The following PTTG1IP variants were observed in gnomAD, a reference collection of about 807,000 sequenced individuals.
PTTG1IP encodes the protein PTTG1 interacting protein.
In PTTG1IP, 16 loss-of-function variants were observed where a neutral mutation model predicts 24.4. The observed-to-expected ratio is 0.66, with a 90% confidence interval of 0.44 to 1.00. PTTG1IP has a LOEUF of 1.00. Ranked by LOEUF, PTTG1IP falls within the 50% of genes least tolerant of loss-of-function variation. The pLI, the probability that PTTG1IP is intolerant of heterozygous loss-of-function variation, is 0.00. For missense variants in PTTG1IP, 241 were observed against 245.8 expected (o/e 0.98, Z 0.13); for synonymous variants, 89 against 96.8 (o/e 0.92, Z 0.47).
chr21:44,862,630 T>C (rs1190236555), intron 2 of PTTG1IP, among the ~76,000 whole-genome samples: 1 of 152,236 alleles, frequency 6.6e-6, no homozygotes. Context: ...ACAGTGTTAC[T>C]GACTTTTTAA....
intron 5 of PTTG1IP, among the ~76,000 whole-genome samples, chr21:44,851,881 G>T (rs183906256): frequency 6.6e-6 from 1 of 152,128 alleles, no homozygotes; most frequent in Non-Finnish European, 1.5e-5. Flanking sequence ...CCTGATGCTC[G>T]GCGAAGAAAA....
rs977324330 is a variant in PTTG1IP at position 44,851,317 on chromosome 21, A to G, written c.*264T>C. 1.6e-5 allele frequency: 24 copies of G among 1,477,658 alleles called. No homozygotes were observed. The highest frequency in any genetic ancestry group is 6.7e-5 in the Admixed American group (3 of 44,824). The allele number at this position is 1,477,658 out of a possible 1,614,324, so 91.5% of individuals were successfully genotyped here. A position where few individuals can be genotyped will look rare whatever the true frequency, so the allele number is the denominator to read the frequency against. Reference sequence around the variant, plus strand: ...AGTTAGCGTTTCACAAACTGAGAAGAGTATAAAAAAGCCCAAACCCCAAAG... The same window carrying G: ...AGTTAGCGTTTCACAAACTGAGAAGGGTATAAAAAAGCCCAAACCCCAAAG... On this transcript the variant is annotated 3_prime_UTR_variant, in exon 6 of 6. Coordinates refer to ENST00000330938, the MANE Select transcript of PTTG1IP (RefSeq NM_004339.4).
chr21:44,870,639 G>A (rs2083577837), intron 1 of PTTG1IP, among the ~76,000 whole-genome samples: 1 of 150,646 alleles, frequency 6.6e-6, no homozygotes, highest in Non-Finnish European at 1.5e-5. Context: ...ACAAGATACA[G>A]AAAAAACATG....
At chr21:44,853,440 A>AGGCG (rs2083425393) in intron 5 of PTTG1IP, among the ~76,000 whole-genome samples, 1 of 151,222 alleles carries the variant, frequency 6.6e-6, no homozygotes, top group Non-Finnish European at 1.5e-5. Flanking sequence ...CCTGGGAGGC[A>AGGCG]GAGCTTGCAG....
rs1054220 is a variant in PTTG1IP at position 44,849,795 on chromosome 21, A to C, written c.*1786T>G. ...ACGCTGTATTTCACAACCGAGCCCT[A>C]GCGCCAGCTCAGCACCCTACGCTCA... On this transcript the variant is annotated 3_prime_UTR_variant, in exon 6 of 6. Transcript: ENST00000330938. 11,383 of 152,420 alleles carry C rather than the reference A, an allele frequency of 0.075. 440 individuals carry two copies. Among genetic ancestry groups the C allele is most frequent in the Non-Finnish European group, 0.087 (5,913 of 68,020 alleles). The allele number at this position is 152,420 out of a possible 1,614,324, so 9.4% of individuals were successfully genotyped here. A position where few individuals can be genotyped will look rare whatever the true frequency, so the allele number is the denominator to read the frequency against.
intron 1 of PTTG1IP, 72 bp downstream of exon 1, chr21:44,873,424 AACCCCG>A (rs537567714): frequency 1.5e-4 from 180 of 1,204,692 alleles, no homozygotes; most frequent in East Asian, 7.2e-5. Flanking sequence ...CCCTGGCCGA[AACCCCG>A]ACCCCGACCC....
chr21:44,866,635 A>AACACACAC (rs149247797), intron 1 of PTTG1IP, among the ~76,000 whole-genome samples: 2 of 109,922 alleles, frequency 1.8e-5, no homozygotes, highest in African/African-American at 7.0e-5. Context: ...CCAATCCCGT[A>AACACACAC]ACACACACAC....
chr21:44,865,211 GAGA>G (rs1203643682), intron 2 of PTTG1IP, among the ~76,000 whole-genome samples, 181 bp downstream of exon 2: 1 of 152,212 alleles, frequency 6.6e-6, no homozygotes, highest in African/African-American at 2.4e-5. Context: ...CAGTTTTCAT[GAGA>G]AGGTTTAATA....
chr21:44,852,473 G>A (rs1013175131), intron 5 of PTTG1IP, among the ~76,000 whole-genome samples: 8 of 152,032 alleles, frequency 5.3e-5, no homozygotes, highest in African/African-American at 1.9e-4. Flanking sequence ...GAGCCACCGT[G>A]CCTGGCCTCT....
intron 1 of PTTG1IP, among the ~76,000 whole-genome samples, chr21:44,870,547 AAG>A: frequency 1.3e-5 from 2 of 151,406 alleles, no homozygotes; most frequent in East Asian, 1.9e-4. Flanking sequence ...AAAAAAAAAA[AAG>A]AAAGGCATGA....
At position 44,855,286 on chromosome 21, in the gene PTTG1IP, A is replaced by G. The variant is rs750521858; in HGVS notation, c.450-30T>C. 5 of 1,595,940 alleles carry G rather than the reference A, an allele frequency of 3.1e-6. No individual in the cohort carries two copies. The African/African-American group carries it at 6.7e-5, about 21-fold the overall frequency. ...AACACAGAGGAACATTATGAGCACC[A>G]AACGACAGCGCACGGTGGTGTAACT... On this transcript the variant is annotated intron_variant, in intron 4 of 5. Coordinates refer to ENST00000330938, the MANE Select transcript of PTTG1IP (RefSeq NM_004339.4).
chr21:44,870,525 CAAAAAAAAAAA>C (rs60436978), intron 1 of PTTG1IP, among the ~76,000 whole-genome samples: 3 of 76,964 alleles, frequency 3.9e-5, no homozygotes, highest in African/African-American at 5.2e-5. Context: ...GACTCCATCT[CAAAAAAAAAAA>C]AAAAAAAAAA....
At chr21:44,861,402 A>G (rs1045954455) in intron 2 of PTTG1IP, 131 bp from the exon 3 acceptor site, 47 of 687,838 alleles carry the variant, frequency 6.8e-5, no homozygotes, top group African/African-American at 6.0e-4. Context: ...CTCCCCCTCA[A>G]CGCCTCATCT....
chr21:44,860,189 A>G (rs1423257975), intron 3 of PTTG1IP, among the ~76,000 whole-genome samples: 1 of 152,134 alleles, frequency 6.6e-6, no homozygotes, highest in Non-Finnish European at 1.5e-5. Context: ...TAACACAGTG[A>G]AACCCCGTCT....
At position 44,865,379 on chromosome 21, in the gene PTTG1IP, T is replaced by G; in HGVS notation, c.168+16A>C. 5 of 1,613,632 alleles carry G rather than the reference T, an allele frequency of 3.1e-6. No individual in the cohort carries two copies. Among genetic ancestry groups the G allele is most frequent in the Non-Finnish European group, 4.2e-6 (5 of 1,179,536 alleles). Reference sequence around the variant, plus strand: ...GTCTGGACGGCACTCTGGTCTCTAGTCCACGTGCTACTTACGGAGACGTTC... The same window carrying G: ...GTCTGGACGGCACTCTGGTCTCTAGGCCACGTGCTACTTACGGAGACGTTC... On this transcript the variant is annotated intron_variant, in intron 2 of 5. Coordinates refer to ENST00000330938, the MANE Select transcript of PTTG1IP (RefSeq NM_004339.4).
Position 44,869,749 on chromosome 21 carries a change from G to A in PTTG1IP, c.115+3753C>T, listed in dbSNP as rs546041033. On this transcript the variant is annotated intron_variant, in intron 1 of 5. Transcript: ENST00000330938. ...CTGCACTATTCCTTCAACTTTCTGC[G>A]CCTCTGAGGTCTTTCTAAATACAAT... Among the ~76,000 whole-genome samples the A allele has an allele frequency of 4.6e-5, 7 of 152,304 alleles. No individual in the cohort carries two copies. In the South Asian group the frequency reaches 8.3e-4, roughly 18 times the overall value.
chr21:44,853,696 G>A (rs2083427737), intron 5 of PTTG1IP, among the ~76,000 whole-genome samples: 1 of 151,806 alleles, frequency 6.6e-6, no homozygotes, highest in African/African-American at 2.4e-5. Flanking sequence ...CAGGTACCCG[G>A]TCACCACCCA....
chr21:44,864,625 C>T (rs1352360750), intron 2 of PTTG1IP, among the ~76,000 whole-genome samples: 1 of 152,234 alleles, frequency 6.6e-6, no homozygotes, highest in Non-Finnish European at 1.5e-5. Context: ...TCTCCAACTG[C>T]TGACCTCGTG....
intron 2 of PTTG1IP, among the ~76,000 whole-genome samples, chr21:44,862,846 T>C (rs2083502573): frequency 6.6e-6 from 1 of 152,150 alleles, no homozygotes; most frequent in Non-Finnish European, 1.5e-5. Flanking sequence ...GTATCTTCCA[T>C]TTCAGGGGTT....
Sources: allele counts gnomAD v4.1 joint callset (sites outside exome capture counted in the v4.1 genomes callset), GRCh38; gene constraint gnomAD v4.1.1; transcripts MANE v1.5; gene names NCBI Gene and HGNC (gene_info 2026-07-23, HGNC 2026-07-21).